Variants in PTCH1 observed in about 807,000 individuals in gnomAD.
PTCH1 encodes patched 1.
A neutral mutation model predicts 144.6 loss-of-function variants in PTCH1; 14 were observed. The ratio of observed to expected loss-of-function variants is 0.10; its 90% CI spans 0.06 to 0.15. The LOEUF is 0.15. PTCH1 is among the 10% of genes least tolerant of loss of function. The pLI, the probability that PTCH1 is intolerant of heterozygous loss-of-function variation, is 1.00. For missense variants in PTCH1, 1,623 were observed against 1,948.3 expected (o/e 0.83, Z 3.14); for synonymous variants, 833 against 793.6 (o/e 1.05, Z -0.83).
chr9:95,507,165 TC>T, intron 1 of PTCH1: 2 of 985,464 alleles, frequency 2.0e-6, no homozygotes, highest in Non-Finnish European at 2.4e-6. Flanking sequence ...CCGACGCATT[TC>T]CATAGCGTGG....
intron 15 of PTCH1, 89 bp downstream of exon 15, chr9:95,467,027 T>C: frequency 7.1e-7 from 1 of 1,404,648 alleles, no homozygotes; most frequent in Non-Finnish European, 1.0e-6. Context: ...TACATTCTAA[T>C]CTAACGCTCT....
intron 2 of PTCH1, among the ~76,000 whole-genome samples, chr9:95,501,216 C>A (rs371768394): frequency 3.3e-5 from 5 of 152,086 alleles, no homozygotes; most frequent in African/African-American, 7.2e-5. Context: ...CCAGTGACAT[C>A]TGGCAATGAC....
chr9:95,453,595 T>C lies in PTCH1; in HGVS notation c.3332A>G (p.Lys1111Arg), dbSNP rs2136632174. 2 of 1,613,994 alleles carry C rather than the reference T, an allele frequency of 1.2e-6. No individual in the cohort carries two copies. The highest frequency in any genetic ancestry group is 2.2e-5 in the South Asian group (2 of 91,080). Reference sequence around the variant, plus strand: ...CAGGGCAAGCACAGCCCTGCGGTTCTTGTCGCCGATGGCCGTCAGAAAGGC... The same window carrying C: ...CAGGGCAAGCACAGCCCTGCGGTTCCTGTCGCCGATGGCCGTCAGAAAGGC... Reference protein sequence around the residue: ...ALAFLTAIGDKNRRAVLALEH... With the variant: ...ALAFLTAIGDRNRRAVLALEH... Residue 1111 changes from lysine (K) to arginine (R), a missense_variant, in exon 20 of 24, where the codon AAG (lysine) becomes AGG (arginine). Physicochemically the swap from Lys to Arg is conservative, Grantham distance 26 (BLOSUM62 2). Around this residue, in one of 7 missense-constraint regions of PTCH1, gnomAD observed 504 missense variants for 679.3 expected, o/e 0.74. Transcript: ENST00000331920.
chr9:95,453,150 TGAGACAGAA>T, intron 20 of PTCH1: 1 of 363,422 alleles, frequency 2.8e-6, no homozygotes, highest in Non-Finnish European at 5.3e-6. Context: ...TTTTTTTTTT[TGAGACAGAA>T]TCTCGCTCTG....
At chr9:95,516,822 G>A (rs1264053472) in exon 1 of PTCH1, 3 of 1,597,488 alleles carry the variant, frequency 1.9e-6, no homozygotes, top group Non-Finnish European at 1.7e-6. Context: ...CAGTTCCATG[G>A]CCCTCGGCGT....
intron 13 of PTCH1, among the ~76,000 whole-genome samples, 167 bp downstream of exon 13, chr9:95,469,646 C>G (rs1407328306): frequency 1.3e-5 from 2 of 152,094 alleles, no homozygotes; most frequent in Non-Finnish European, 2.9e-5. Context: ...CCCAGGGACT[C>G]TGATGTCCCC....
upstream of PTCH1, among the ~76,000 whole-genome samples, chr9:95,510,850 T>TGC (rs1016195237): frequency 4.9e-4 from 74 of 149,726 alleles, no homozygotes; most frequent in Middle Eastern, 3.5e-3. Context: ...GGAGGCCCGG[T>TGC]GCGCGCGCGC....
intron 1 of PTCH1, 151 bp from the exon 2 acceptor site, chr9:95,506,750 C>T (rs1217347190): frequency 5.6e-6 from 6 of 1,063,900 alleles, no homozygotes; most frequent in African/African-American, 5.0e-5. Flanking sequence ...ACTGCAGCCC[C>T]GGCGGATCTG....
At chr9:95,470,042 G>C in intron 12 of PTCH1, 111 bp from the exon 13 acceptor site, 1 of 836,376 alleles carries the variant, frequency 1.2e-6, no homozygotes, top group Non-Finnish European at 2.0e-6. Context: ...CTTTCCTCTT[G>C]AAGCATTTGA....
intron 13 of PTCH1, 150 bp from the exon 14 acceptor site, chr9:95,469,303 C>T (rs1277856658): frequency 1.5e-5 from 17 of 1,104,508 alleles, no homozygotes; most frequent in South Asian, 6.9e-5. Context: ...CCAGAAACAT[C>T]GCCTGGTTGA....
At position 95,467,405 on chromosome 9, in the gene PTCH1, A is replaced by G. The variant is rs1588569604; in HGVS notation, c.2271T>C (p.Phe757=). Residue 757 remains phenylalanine, a synonymous_variant, in exon 15 of 24, where the codon TTT becomes TTC. Transcript: ENST00000331920. The part of the protein sequence containing the change: ...PKAKVVVIFL[F]LGLLGVSLYG... ...AAAGGCTGACCCCCAGCAAGCCCAG[A>G]AAAAGGAAGATCACCACTACCTGGA... is the stretch of plus-strand genomic sequence containing the variant. 1 of 1,614,158 alleles carries G rather than the reference A, an allele frequency of 6.2e-7. No individual in the cohort carries two copies. The highest frequency in any genetic ancestry group is 1.7e-5 in the Admixed American group (1 of 60,016).
chr9:95,449,813 C>G lies in PTCH1; in HGVS notation c.3549+28G>C, dbSNP rs374925544. On this transcript the variant is annotated intron_variant, in intron 21 of 23. Coordinates refer to ENST00000331920, the MANE Select transcript of PTCH1 (RefSeq NM_000264.5). This position sits in a 1 kb window ranked among gnomAD's most constrained non-coding sequence, Gnocchi z 5.3. ...AAACACAGCATTCAGCCGGCCTACA[C>G]GTGGGACATCCCCGTGTCACTACTG... 2 of 1,578,270 alleles carry G rather than the reference C, an allele frequency of 1.3e-6. No individual in the cohort carries two copies. Among genetic ancestry groups the G allele is most frequent in the Admixed American group, 1.7e-5 (1 of 59,858 alleles).
upstream of PTCH1, among the ~76,000 whole-genome samples, chr9:95,510,562 T>C (rs889358700): frequency 1.3e-5 from 2 of 152,104 alleles, no homozygotes; most frequent in Non-Finnish European, 2.9e-5. Flanking sequence ...TTCCAAGTTA[T>C]TACGTTCCTC....
At chr9:95,484,392 C>A (rs1487393313) in intron 3 of PTCH1, 2 of 152,170 alleles carry the variant, frequency 1.3e-5, no homozygotes, top group Non-Finnish European at 2.9e-5. Flanking sequence ...TGACCATAAG[C>A]CCAGGTTACA....
chr9:95,487,536 C>A (rs535476392), intron 2 of PTCH1, among the ~76,000 whole-genome samples: 2 of 152,158 alleles, frequency 1.3e-5, no homozygotes, highest in African/African-American at 4.8e-5. Flanking sequence ...CTTAACACCA[C>A]GCAGACTTCC....
In PTCH1 at chr9:95,449,477, G is replaced by A. The variant is rs774403770; in HGVS notation, c.3550-154C>T. On this transcript the variant is annotated intron_variant, in intron 21 of 23. Transcript: ENST00000331920. The surrounding 1 kb of genome is among the most constrained non-coding windows in gnomAD (Gnocchi z 5.3). The stretch of plus-strand genomic sequence containing the variant: ...TTAACCTCCCCTTCTCTACCACCTG[G>A]AGGACCTTCAGGTCCCGCAGCTGGA... 52 of 1,096,204 alleles carry A rather than the reference G, an allele frequency of 4.7e-5. No homozygotes were observed. The highest frequency in any genetic ancestry group is 6.0e-5 in the Non-Finnish European group (45 of 755,060). The allele number at this position is 1,096,204 out of a possible 1,614,324, so 67.9% of individuals were successfully genotyped here.
chr9:95,515,365 G>A (rs552296211), intron 1 of PTCH1, among the ~76,000 whole-genome samples: 1 of 152,300 alleles, frequency 6.6e-6, no homozygotes, highest in East Asian at 1.9e-4. Context: ...CAGGGAGGAA[G>A]AAAGGATAAA....
In PTCH1 at chr9:95,453,607, G is replaced by C; in HGVS notation, c.3320C>G (p.Ala1107Gly). 6.2e-7 allele frequency: 1 copy of C among 1,613,752 alleles called. No homozygotes were observed. The highest frequency in any genetic ancestry group is 8.5e-7 in the Non-Finnish European group (1 of 1,180,026). ...TVHVALAFLT[A>G]IGDKNRRAVL... ...AGCCCTGCGGTTCTTGTCGCCGATG[G>C]CCGTCAGAAAGGCCTGTGCAATGAG... The change falls in exon 20 of 24, where the codon GCC (alanine) becomes GGC (glycine). Residue 1107 changes from alanine (A) to glycine (G), a missense_variant. By Grantham distance (60) the Ala-to-Gly change is moderately conservative (BLOSUM62 0). This residue lies in a region of PTCH1 where 504 missense variants were observed against 679.3 expected (regional missense o/e 0.74). Coordinates refer to ENST00000331920, the MANE Select transcript of PTCH1 (RefSeq NM_000264.5).
At chr9:95,493,449 C>T (rs532834940) in intron 2 of PTCH1, among the ~76,000 whole-genome samples, 45 of 152,164 alleles carry the variant, frequency 3.0e-4, no homozygotes, top group Non-Finnish European at 6.3e-4. Context: ...TAAATGAATG[C>T]GCAGTCTCAA....
Sources: allele counts gnomAD v4.1 joint callset (sites outside exome capture counted in the v4.1 genomes callset), GRCh38; gene constraint gnomAD v4.1.1; regional missense constraint gnomAD v4.1.1; non-coding constraint Gnocchi (gnomAD v3.1); transcripts MANE v1.5; gene names NCBI Gene and HGNC (gene_info 2026-07-23, HGNC 2026-07-21).